Variants in NCK2 observed in about 807,000 individuals in gnomAD.
The protein encoded by NCK2 is NCK adaptor protein 2.
A neutral mutation model predicts 33.9 loss-of-function variants in NCK2; 16 were observed. That is an observed-to-expected ratio of 0.47 (90% CI 0.32 to 0.72). The LOEUF (loss-of-function observed/expected upper bound fraction) is 0.72. Among genes scored for constraint, NCK2 ranks in the 30% least tolerant of loss-of-function variants. NCK2 has a pLI of 0.03. For synonymous variants in NCK2, 273 were observed against 239.9 expected (o/e 1.14, Z -1.27); for missense variants, 418 against 537.3 (o/e 0.78, Z 2.19).
chr2:105,870,981 G>C (rs1419993699), intron 3 of NCK2, among the ~76,000 whole-genome samples: 1 of 152,068 alleles, frequency 6.6e-6, no homozygotes, highest in Non-Finnish European at 1.5e-5. Flanking sequence ...AGCAGGGTCA[G>C]CGTGTTGTGT....
chr2:105,751,722 T>G (rs1330526997), intron 1 of NCK2, among the ~76,000 whole-genome samples: 3 of 152,224 alleles, frequency 2.0e-5, no homozygotes, highest in African/African-American at 7.2e-5. Flanking sequence ...TGCATGGAAC[T>G]GAGCATGGGC....
chr2:105,771,003 A>G (rs1690118072), intron 1 of NCK2, among the ~76,000 whole-genome samples: 1 of 152,038 alleles, frequency 6.6e-6, no homozygotes, highest in South Asian at 2.1e-4. Context: ...GCTCACTGCA[A>G]GCTCTGCCTC....
intron 1 of NCK2, among the ~76,000 whole-genome samples, chr2:105,756,665 C>A (rs767884529): frequency 5.9e-5 from 9 of 152,186 alleles, no homozygotes; most frequent in Non-Finnish European, 1.2e-4. Context: ...TGGCCCAGCT[C>A]CAGAGCAGCA....
rs1373025887 is a variant in NCK2 at position 105,891,165 on chromosome 2, ACT to A, written c.949-1813_949-1812del. On this transcript the variant is annotated intron_variant, in intron 4 of 4. Coordinates refer to ENST00000233154, the MANE Select transcript of NCK2 (RefSeq NM_003581.5). ...TCACACGCTACGCATACTCTCACAC[ACT>A]CTCAATACTCACATACTCCCTCTCA... Among the ~76,000 whole-genome samples the A allele has an allele frequency of 5.9e-5, 9 of 151,480 alleles. No homozygotes were observed. In the East Asian group the frequency reaches 1.6e-3, roughly 26 times the overall value.
chr2:105,858,801 T>G (rs1262908697), intron 3 of NCK2, among the ~76,000 whole-genome samples: 1 of 152,224 alleles, frequency 6.6e-6, no homozygotes, highest in Non-Finnish European at 1.5e-5. Context: ...CATGAAAGTA[T>G]TTACCTGCTT....
intron 2 of NCK2, among the ~76,000 whole-genome samples, chr2:105,837,298 T>C (rs1676469882): frequency 6.6e-6 from 1 of 152,238 alleles, no homozygotes; most frequent in Admixed American, 6.5e-5. Context: ...ACCACATATG[T>C]AAGTCTAAAC....
intron 1 of NCK2, among the ~76,000 whole-genome samples, chr2:105,769,584 C>T (rs1690059870): frequency 1.3e-5 from 2 of 152,188 alleles, no homozygotes; most frequent in African/African-American, 4.8e-5. Context: ...TGCAGGTTTT[C>T]TAAGAAATGG....
chr2:105,774,653 G>A (rs1690245418), intron 1 of NCK2, among the ~76,000 whole-genome samples: 1 of 152,066 alleles, frequency 6.6e-6, no homozygotes. Flanking sequence ...GGCTGTTGGG[G>A]CCTGTCCACT....
chr2:105,777,964 T>C (rs1033607493), intron 1 of NCK2, among the ~76,000 whole-genome samples: 1 of 152,228 alleles, frequency 6.6e-6, no homozygotes, highest in African/African-American at 2.4e-5. Flanking sequence ...TGGAAAGTTC[T>C]TTTGTTTGAG....
intron 1 of NCK2, among the ~76,000 whole-genome samples, chr2:105,815,336 AT>A (rs1334681340): frequency 1.3e-5 from 2 of 151,024 alleles, no homozygotes; most frequent in African/African-American, 5.0e-5. Context: ...CCCTATTTGA[AT>A]TATCTTCTTA....
intron 1 of NCK2, among the ~76,000 whole-genome samples, chr2:105,801,604 T>C (rs548943502): frequency 3.1e-4 from 47 of 151,992 alleles, no homozygotes; most frequent in African/African-American, 1.0e-3. Context: ...TGGTCTGACC[T>C]GCATCCGCAT....
intron 2 of NCK2, among the ~76,000 whole-genome samples, chr2:105,834,422 A>G (rs1450815864): frequency 6.6e-6 from 1 of 152,144 alleles, no homozygotes; most frequent in Non-Finnish European, 1.5e-5. Flanking sequence ...TTTGACTTAA[A>G]GTCTATTTTA....
At chr2:105,872,849 T>C (rs762690993) in intron 3 of NCK2, among the ~76,000 whole-genome samples, 3 of 152,248 alleles carry the variant, frequency 2.0e-5, no homozygotes, top group Non-Finnish European at 4.4e-5. Flanking sequence ...GAGAAATCTC[T>C]GAAAAAGTAA....
At chr2:105,776,790 G>C (rs778796962) in intron 1 of NCK2, among the ~76,000 whole-genome samples, 2 of 152,034 alleles carry the variant, frequency 1.3e-5, no homozygotes, top group Admixed American at 6.5e-5. Context: ...GTGACTATTC[G>C]AGGGTACCAT....
intron 2 of NCK2, among the ~76,000 whole-genome samples, chr2:105,836,137 T>TTTTTTTTTTTTTG (rs1676426294): frequency 6.2e-5 from 9 of 145,176 alleles, no homozygotes; most frequent in South Asian, 2.1e-4. Flanking sequence ...GTTCTGTTAT[T>TTTTTTTTTTTTTG]AGAGAATTAC....
intron 1 of NCK2, among the ~76,000 whole-genome samples, chr2:105,812,558 T>C (rs1445871219): frequency 1.3e-5 from 2 of 152,210 alleles, no homozygotes; most frequent in African/African-American, 4.8e-5. Context: ...TGCAGGCCTC[T>C]GCTGGGCCTC....
intron 1 of NCK2, among the ~76,000 whole-genome samples, chr2:105,814,011 G>A (rs1675388278): frequency 6.6e-6 from 1 of 152,174 alleles, no homozygotes; most frequent in Admixed American, 6.5e-5. Context: ...GAATCCTTTG[G>A]TGAGGGCCTT....
chr2:105,870,949 A>G (rs945382928), intron 3 of NCK2, among the ~76,000 whole-genome samples: 2 of 151,618 alleles, frequency 1.3e-5, no homozygotes, highest in African/African-American at 4.9e-5. Flanking sequence ...GGTGGAAGGG[A>G]AGGAGGAAGA....
At chr2:105,825,720 C>T (rs1438526139) in intron 2 of NCK2, among the ~76,000 whole-genome samples, 1 of 152,212 alleles carries the variant, frequency 6.6e-6, no homozygotes, top group African/African-American at 2.4e-5. Flanking sequence ...TTATCTGGGT[C>T]ACCAGCAAGG....
Sources: gnomAD v4.1 joint callset for allele counts (sites outside exome capture counted in the v4.1 genomes callset) on GRCh38, gnomAD v4.1.1 for gene constraint, MANE v1.5 for transcripts, NCBI Gene and HGNC (gene_info 2026-07-23, HGNC 2026-07-21) for gene names.